The following LMO7 variants were observed in gnomAD, a reference collection of about 807,000 sequenced individuals.
LMO7 encodes the protein LIM domain 7, also known as LIM domain only protein 7.
LMO7 carries 120 observed loss-of-function variants against 206.5 expected under a neutral mutation model. The ratio of observed to expected loss-of-function variants is 0.58; its 90% confidence interval spans 0.50 to 0.68. LMO7 has a LOEUF of 0.68. Among genes scored for constraint, LMO7 ranks in the 30% least tolerant of loss-of-function variants. The pLI is 0.00. For synonymous variants in LMO7, 706 were observed against 681.5 expected, an observed-to-expected ratio of 1.04 and a Z score of -0.56; for missense variants, 1,959 against 1,957.9, an observed-to-expected ratio of 1.00 and a Z score of -0.01.
chr13:75,841,707 G>A lies in LMO7; in HGVS notation c.3755G>A (p.Ser1252Asn), dbSNP rs747322234. Residue 1252 changes from serine to asparagine, a missense_variant, in exon 24 of 31, where the codon AGT becomes AAT. By Grantham distance (46) the Ser-to-Asn change is conservative. Transcript: ENST00000377534. ...PSLATWEATW[S>N]EGSKSSDREG... ...CTTGCCACCTGGGAAGCTACCTGGA[G>A]TGAAGGGTCCAAGTCTTCAGACAGA... 1.2e-6 allele frequency: 2 copies of A among 1,614,150 alleles called. No individual in the cohort carries two copies. The highest frequency in any genetic ancestry group is 1.1e-5 in the South Asian group (1 of 91,080).
intron 15 of LMO7, among the ~76,000 whole-genome samples, chr13:75,826,142 G>C (rs1288537007): frequency 6.6e-6 from 1 of 152,078 alleles, no homozygotes; most frequent in Non-Finnish European, 1.5e-5. Flanking sequence ...CTGGACTGAA[G>C]CAATCCTCCC....
chr13:75,825,687 A>G (rs1156429479), intron 15 of LMO7, among the ~76,000 whole-genome samples: 1 of 152,090 alleles, frequency 6.6e-6, no homozygotes, highest in African/African-American at 2.4e-5. Flanking sequence ...TTTCTGTGCC[A>G]CTAGGGCAGT....
In LMO7 at chr13:75,852,467, C is replaced by T. The variant is rs575513080; in HGVS notation, c.4365-625C>T. On this transcript the variant is annotated intron_variant, in intron 27 of 30. Coordinates refer to ENST00000377534, the MANE Select transcript of LMO7 (RefSeq NM_001306080.2). Reference sequence around the variant, plus strand: ...ACTTGACCCATGTAACAAACCTGCACGTGTATCCCCTAAACCTAAAATAAA... The same window carrying T: ...ACTTGACCCATGTAACAAACCTGCATGTGTATCCCCTAAACCTAAAATAAA... 3.4e-4 allele frequency among the ~76,000 whole-genome samples: 51 copies of T among 151,918 alleles called. No individual in the cohort carries two copies. The South Asian group carries it at 6.7e-3, about 20-fold the overall frequency.
chr13:75,642,872 A>G (rs2036675751), intron 1 of LMO7, among the ~76,000 whole-genome samples: 1 of 152,228 alleles, frequency 6.6e-6, no homozygotes, highest in South Asian at 2.1e-4. Flanking sequence ...GATATTAAAC[A>G]TTTATGTAAC....
Position 75,804,331 on chromosome 13 carries a change from A to G in LMO7, c.704A>G (p.Gln235Arg). The change falls in exon 8 of 31, where the codon CAG becomes CGG. Residue 235 changes from glutamine (Q) to arginine (R), a missense_variant. Transcript: ENST00000377534. Reference sequence around the variant, plus strand: ...GATTCGGAATTTACATTTAAGATGCAGGATTATAATAAAGATGATATGTCG... The same window carrying G: ...GATTCGGAATTTACATTTAAGATGCGGGATTATAATAAAGATGATATGTCG... ...DTDSEFTFKM[Q>R]DYNKDDMSYR... 1.2e-6 allele frequency: 2 copies of G among 1,613,682 alleles called. No individual in the cohort carries two copies. Among genetic ancestry groups the G allele is most frequent in the East Asian group, 2.2e-5 (1 of 44,872 alleles).
chr13:75,729,040 T>C (rs2044806904), intron 3 of LMO7, among the ~76,000 whole-genome samples: 1 of 152,214 alleles, frequency 6.6e-6, no homozygotes, highest in African/African-American at 2.4e-5. Context: ...CCTTGTAGTA[T>C]AGTTTGAGGT....
intron 1 of LMO7, among the ~76,000 whole-genome samples, chr13:75,679,068 G>A (rs1212171713): frequency 3.3e-5 from 5 of 152,160 alleles, no homozygotes; most frequent in Non-Finnish European, 7.3e-5. Context: ...CAGTCTTCCA[G>A]AGTCCAGAAT....
chr13:75,805,318 G>C (rs1218591239), intron 8 of LMO7, 161 bp from the exon 9 acceptor site: 2 of 944,114 alleles, frequency 2.1e-6, no homozygotes, highest in East Asian at 5.3e-5. Flanking sequence ...ATGAGATGCT[G>C]TTATAATAAC....
At chr13:75,751,763 G>A (rs1314364294) in intron 3 of LMO7, among the ~76,000 whole-genome samples, 1 of 152,078 alleles carries the variant, frequency 6.6e-6, no homozygotes, top group Non-Finnish European at 1.5e-5. Context: ...TGCTTATAAT[G>A]ACAGCTCTTG....
intron 1 of LMO7, among the ~76,000 whole-genome samples, chr13:75,707,705 T>G (rs2042761846): frequency 1.3e-5 from 2 of 152,172 alleles, no homozygotes; most frequent in African/African-American, 2.4e-5. Context: ...CTTCAAAATA[T>G]AAGCTATTAT....
At chr13:75,710,627 G>T (rs1594432530) in intron 1 of LMO7, among the ~76,000 whole-genome samples, 1 of 151,822 alleles carries the variant, frequency 6.6e-6, no homozygotes, top group Admixed American at 6.5e-5. Flanking sequence ...AGGAATGCTT[G>T]TGATTTTTGC....
chr13:75,690,230 G>A (rs2041350854), intron 1 of LMO7, among the ~76,000 whole-genome samples: 1 of 151,972 alleles, frequency 6.6e-6, no homozygotes, highest in Non-Finnish European at 1.5e-5. Flanking sequence ...CCTCCACATA[G>A]CCTGAGCCAC....
At chr13:75,832,510 T>A (rs2058756286) in intron 15 of LMO7, among the ~76,000 whole-genome samples, 1 of 152,194 alleles carries the variant, frequency 6.6e-6, no homozygotes, top group African/African-American at 2.4e-5. Context: ...ATGTGGCATT[T>A]GGGCAAGCAA....
intron 5 of LMO7, 54 bp from the exon 6 acceptor site, chr13:75,796,582 C>A: frequency 3.0e-6 from 3 of 1,013,250 alleles, no homozygotes; most frequent in Non-Finnish European, 4.7e-6. Context: ...TTTGAGCTTG[C>A]AATTGGTTGC....
At chr13:75,777,364 T>C (rs1164734528) in intron 4 of LMO7, among the ~76,000 whole-genome samples, 1 of 152,206 alleles carries the variant, frequency 6.6e-6, no homozygotes, top group Admixed American at 6.5e-5. Context: ...CATTTAAGAA[T>C]ATAAAGAAGA....
Position 75,636,334 on chromosome 13 carries a change from T to C in LMO7, c.-324T>C, listed in dbSNP as rs1338226371. 1.7e-6 allele frequency: 2 copies of C among 1,162,994 alleles called. No individual in the cohort carries two copies. The highest frequency in any genetic ancestry group is 1.3e-4 in the East Asian group (2 of 15,118). 72.0% of individuals were successfully genotyped at this position (1,162,994 alleles called of 1,614,324 possible). Reference sequence around the variant, plus strand: ...GCGCTGCGACTTTTGAAGTCCAAACTGTCGTCGGGGCTGGTGCCGCGCGCT... The same window carrying C: ...GCGCTGCGACTTTTGAAGTCCAAACCGTCGTCGGGGCTGGTGCCGCGCGCT... On this transcript the variant is annotated 5_prime_UTR_variant, in exon 1 of 31. Transcript: ENST00000377534.
intron 3 of LMO7, among the ~76,000 whole-genome samples, chr13:75,755,241 A>C (rs1461285063): frequency 2.0e-5 from 3 of 151,982 alleles, no homozygotes; most frequent in African/African-American, 7.2e-5. Flanking sequence ...AGTCTTCTGG[A>C]GTTTTTGCCC....
intron 11 of LMO7, among the ~76,000 whole-genome samples, chr13:75,811,194 C>CTT (rs74462505): frequency 3.4e-5 from 5 of 145,356 alleles, no homozygotes. Context: ...CTTTTTCTTT[C>CTT]TTTTTTTCTT....
chr13:75,853,422 G>A (rs777280465), intron 28 of LMO7, 34 bp downstream of exon 28: 57 of 1,511,886 alleles, frequency 3.8e-5, no homozygotes, highest in Non-Finnish European at 4.9e-5. Context: ...TCTTCTCTTA[G>A]TCTTGGGTAT....
Sources: allele counts gnomAD v4.1 joint callset (sites outside exome capture counted in the v4.1 genomes callset), GRCh38; gene constraint gnomAD v4.1.1; transcripts MANE v1.5; gene names NCBI Gene and HGNC (gene_info 2026-07-23, HGNC 2026-07-21).